Variants in BACH1 observed in about 807,000 individuals in gnomAD.
BACH1 encodes transcription regulator protein BACH1.
Under a neutral mutation model 52.9 loss-of-function variants are expected in BACH1, and 35 were observed. The ratio of observed to expected loss-of-function variants is 0.66; its 90% CI spans 0.51 to 0.88. The LOEUF (loss-of-function observed/expected upper bound fraction) is 0.88, where lower values mean the gene tolerates loss of function less well. Among genes scored for constraint, BACH1 ranks in the 40% least tolerant of loss-of-function variants. BACH1 has a pLI of 0.00. For missense variants in BACH1, 808 were observed against 872.6 expected (o/e 0.93, Z 0.93); for synonymous variants, 321 against 319.6 (o/e 1.00, Z -0.05).
At chr21:29,308,424 A>G (rs541701177) in intron 1 of BACH1, among the ~76,000 whole-genome samples, 213 of 152,310 alleles carry the variant, frequency 1.4e-3, no homozygotes, top group African/African-American at 5.0e-3. Context: ...TTCATATGAT[A>G]TACTGATTGC....
intron 2 of BACH1, among the ~76,000 whole-genome samples, chr21:29,325,425 G>A (rs2088898884): frequency 6.6e-6 from 1 of 152,086 alleles, no homozygotes; most frequent in Non-Finnish European, 1.5e-5. Context: ...GTTACTTCGA[G>A]TCCATGAATT....
rs1021168778 is a variant in BACH1, at chr21:29,345,676, C to T, written c.*2843C>T. ...AAATAAGTATGTTAGATGCAGTAGA[C>T]GATACAGGTTGCATGTGGACACTCA... On this transcript the variant is annotated 3_prime_UTR_variant, in exon 5 of 5. Transcript: ENST00000286800. 3.9e-5 allele frequency: 6 copies of T among 152,348 alleles called. No individual in the cohort carries two copies. Among genetic ancestry groups the T allele is most frequent in the Middle Eastern group, 3.2e-3 (1 of 316 alleles). 9.4% of individuals were successfully genotyped at this position (152,348 alleles called of 1,614,324 possible). A position where few individuals can be genotyped will look rare whatever the true frequency, so the allele number is the denominator to read the frequency against.
chr21:29,320,196 AGAAG>A (rs1383434108), intron 1 of BACH1, among the ~76,000 whole-genome samples: 1 of 152,214 alleles, frequency 6.6e-6, no homozygotes, highest in African/African-American at 2.4e-5. Context: ...TCAGGAGAAC[AGAAG>A]TGAATGACGC....
chr21:29,314,684 A>C (rs1394263628), intron 1 of BACH1, among the ~76,000 whole-genome samples: 7 of 152,108 alleles, frequency 4.6e-5, no homozygotes, highest in Non-Finnish European at 1.0e-4. Flanking sequence ...TAACAATGTC[A>C]TCATTTTTGG....
At chr21:29,358,757 A>AAGAAG (rs1347277490) in intron 2 of BACH1, among the ~76,000 whole-genome samples, 3 of 109,624 alleles carry the variant, frequency 2.7e-5, no homozygotes, top group Non-Finnish European at 5.7e-5. Flanking sequence ...AAGAAAAGAA[A>AAGAAG]AGAAAAGAAA....
At chr21:29,361,004 T>G (rs763694286) in intron 2 of BACH1, 1 of 152,250 alleles carries the variant, frequency 6.6e-6, no homozygotes, top group Non-Finnish European at 1.5e-5. Flanking sequence ...CTTAGTCTAG[T>G]GTTTAATGTC....
intron 1 of BACH1, among the ~76,000 whole-genome samples, chr21:29,310,434 G>A (rs776341091): frequency 6.6e-6 from 1 of 152,228 alleles, no homozygotes; most frequent in African/African-American, 2.4e-5. Flanking sequence ...TGGCAACCAA[G>A]ATTTCTGGAC....
downstream of BACH1, chr21:29,346,249 C>G (rs990471265): frequency 4.7e-5 from 7 of 149,410 alleles, no homozygotes; most frequent in African/African-American, 1.7e-4. Flanking sequence ...AGGAGAGAAT[C>G]TTTCCTTAGT....
At chr21:29,360,264 C>T (rs1466189219) in intron 2 of BACH1, among the ~76,000 whole-genome samples, 1 of 152,346 alleles carries the variant, frequency 6.6e-6, no homozygotes, top group East Asian at 1.9e-4. Context: ...TAGGCACGTC[C>T]TTAGCCTTGG....
At chr21:29,331,723 G>GA (rs2088985239) in intron 4 of BACH1, among the ~76,000 whole-genome samples, 1 of 152,004 alleles carries the variant, frequency 6.6e-6, no homozygotes. Context: ...GTTTTCATCG[G>GA]AAAAATAGGA....
At chr21:29,300,623 T>TA (rs1046425279) in intron 1 of BACH1, among the ~76,000 whole-genome samples, 86 of 152,292 alleles carry the variant, frequency 5.6e-4, no homozygotes, top group African/African-American at 2.0e-3. Context: ...GGTAACCCAA[T>TA]AAAAAATATT....
intron 2 of BACH1, among the ~76,000 whole-genome samples, chr21:29,358,812 A>AAG (rs1555888596): frequency 0.017 from 2,478 of 146,234 alleles, 40 homozygotes; most frequent in Non-Finnish European, 0.025. Flanking sequence ...GAAAGAAAGA[A>AAG]AGAAGAAAGA....
downstream of BACH1, among the ~76,000 whole-genome samples, chr21:29,348,500 A>G (rs568174151): frequency 1.3e-5 from 2 of 152,112 alleles, no homozygotes; most frequent in East Asian, 1.9e-4. Flanking sequence ...TTCCCCAAAG[A>G]TGCCCCAGTG....
At chr21:29,349,493 G>A (rs2089190175), downstream of BACH1, among the ~76,000 whole-genome samples, 1 of 152,156 alleles carries the variant, frequency 6.6e-6, no homozygotes, top group Admixed American at 6.5e-5. Context: ...TGATGGAGAG[G>A]GGCCCACCGG....
intron 1 of BACH1, among the ~76,000 whole-genome samples, chr21:29,305,737 CA>C (rs2088649665): frequency 6.6e-6 from 1 of 152,218 alleles, no homozygotes; most frequent in African/African-American, 2.4e-5. Flanking sequence ...TGTTCTCCCC[CA>C]ACTCACATGA....
chr21:29,314,991 G>T (rs2088769785), intron 1 of BACH1, among the ~76,000 whole-genome samples: 1 of 152,134 alleles, frequency 6.6e-6, no homozygotes, highest in Non-Finnish European at 1.5e-5. Flanking sequence ...GAAGAATGTT[G>T]TCTTAAATTA....
chr21:29,339,879 G>A (rs748896717), intron 4 of BACH1, among the ~76,000 whole-genome samples: 12 of 151,924 alleles, frequency 7.9e-5, no homozygotes, highest in African/African-American at 2.9e-4. Context: ...CACATGACCC[G>A]CCCACCTCAG....
downstream of BACH1, among the ~76,000 whole-genome samples, chr21:29,347,555 T>C (rs2089176776): frequency 6.6e-6 from 1 of 152,186 alleles, no homozygotes; most frequent in African/African-American, 2.4e-5. Flanking sequence ...TAAGTTCTCT[T>C]GAAACATTGG....
chr21:29,321,186 GTTAT>G (rs2088843036), intron 1 of BACH1, 31 bp from the exon 2 acceptor site: 6 of 1,049,376 alleles, frequency 5.7e-6, no homozygotes, highest in African/African-American at 1.6e-5. Flanking sequence ...TTAACAAGAT[GTTAT>G]TTAAGTGAAA....
Sources: allele counts gnomAD v4.1 joint callset (sites outside exome capture counted in the v4.1 genomes callset), GRCh38; gene constraint gnomAD v4.1.1; transcripts MANE v1.5; gene names NCBI Gene and HGNC (gene_info 2026-07-23, HGNC 2026-07-21).